Variants in NAV3 observed in about 807,000 individuals in gnomAD.
NAV3 encodes the protein pore membrane and/or filament interacting like protein 1.
Under a neutral mutation model 244.7 loss-of-function variants are expected in NAV3, and 87 were observed. The ratio of observed to expected loss-of-function variants is 0.36; its 90% CI spans 0.30 to 0.42. NAV3 has a LOEUF of 0.42. Ranked by LOEUF, NAV3 falls within the 20% of genes least tolerant of loss-of-function variation. NAV3 has a pLI of 1.00. For synonymous variants in NAV3, 1,126 were observed against 1,042.2 expected, an observed-to-expected ratio of 1.08 and a Z score of -1.55; for missense variants, 2,663 against 2,893.3, an observed-to-expected ratio of 0.92 and a Z score of 1.83.
intron 2 of NAV3, among the ~76,000 whole-genome samples, chr12:77,796,571 G>A (rs1565817259): frequency 1.3e-5 from 2 of 152,196 alleles, no homozygotes; most frequent in Non-Finnish European, 2.9e-5. Context: ...GTCCCATTTT[G>A]AAAGTTCTAC....
chr12:77,683,400 G>C (rs1394685458), intron 2 of NAV3, among the ~76,000 whole-genome samples: 1 of 151,890 alleles, frequency 6.6e-6, no homozygotes, highest in East Asian at 1.9e-4. Flanking sequence ...GTACCATGCT[G>C]TTTTGATTAC....
chr12:77,943,430 T>G (rs1045087404), intron 3 of NAV3, among the ~76,000 whole-genome samples: 1 of 152,202 alleles, frequency 6.6e-6, no homozygotes, highest in Admixed American at 6.6e-5. Context: ...TGTGGTTGAA[T>G]TTTGAATCTG....
Position 77,877,916 on chromosome 12 carries a change from A to G in NAV3, c.243+46212A>G, listed in dbSNP as rs138570338. ...TTGGATAGTATTTACCTCTAATATG[A>G]TGTGAGGAAAGACACTTTATCTCTG... On this transcript the variant is annotated intron_variant, in intron 1 of 39. Coordinates refer to ENST00000397909, the MANE Select transcript of NAV3 (RefSeq NM_001024383.2). 3.5e-3 allele frequency among the ~76,000 whole-genome samples: 526 copies of G among 152,252 alleles called. 3 individuals are homozygous for G. Among genetic ancestry groups the G allele is most frequent in the Non-Finnish European group, 5.2e-3 (357 of 68,022 alleles).
chr12:77,903,241 C>A (rs1241171577), intron 1 of NAV3, among the ~76,000 whole-genome samples: 1 of 152,184 alleles, frequency 6.6e-6, no homozygotes, highest in Admixed American at 6.5e-5. Flanking sequence ...TGACTACAAA[C>A]TATATTACAA....
intron 39 of NAV3, among the ~76,000 whole-genome samples, chr12:78,206,854 C>T (rs1488631242): frequency 4.4e-5 from 5 of 114,820 alleles, no homozygotes; most frequent in Non-Finnish European, 7.0e-5. Flanking sequence ...TTCTTTCTTA[C>T]TTTTTTTTTT....
chr12:77,994,721 C>T, intron 5 of NAV3, 82 bp from the exon 6 acceptor site: 1 of 1,054,688 alleles, frequency 9.5e-7, no homozygotes, highest in African/African-American at 1.6e-5. Flanking sequence ...TTCATTAATT[C>T]ATAGTTTTCT....
At chr12:77,729,123 T>G (rs1877013052) in intron 2 of NAV3, among the ~76,000 whole-genome samples, 3 of 152,072 alleles carry the variant, frequency 2.0e-5, no homozygotes, top group Non-Finnish European at 4.4e-5. Context: ...CAACAGTAGA[T>G]TATTAGTTGA....
At chr12:78,137,864 G>A (rs1353456181) in intron 19 of NAV3, among the ~76,000 whole-genome samples, 1 of 151,852 alleles carries the variant, frequency 6.6e-6, no homozygotes, top group Non-Finnish European at 1.5e-5. Flanking sequence ...TCATCCAATG[G>A]CAATAAAATT....
rs187813350 is a variant in NAV3 at position 77,635,808 on chromosome 12, G to C, written c.72+63542G>C. On this transcript the variant is annotated intron_variant, in intron 2 of 8. Transcript: ENST00000550042. ...AACCGCTGTGAGGTAGGAACAATTAGAATTCCTATTTTGAAGATGAGAAAA... is the reference window on the plus strand; with the variant it reads ...AACCGCTGTGAGGTAGGAACAATTACAATTCCTATTTTGAAGATGAGAAAA... Among the ~76,000 whole-genome samples, 289 of 152,164 alleles carry C rather than the reference G, an allele frequency of 1.9e-3. 4 individuals carry two copies. The highest frequency in any genetic ancestry group is 3.1e-3 in the South Asian group (15 of 4,818).
chr12:78,149,804 G>T (rs1280310094), intron 22 of NAV3, among the ~76,000 whole-genome samples: 1 of 152,008 alleles, frequency 6.6e-6, no homozygotes, highest in African/African-American at 2.4e-5. Flanking sequence ...TCAAGAGTGA[G>T]CAGGTGCAGA....
intron 25 of NAV3, among the ~76,000 whole-genome samples, chr12:78,175,708 T>C (rs1011990475): frequency 4.0e-5 from 6 of 151,898 alleles, no homozygotes; most frequent in African/African-American, 1.5e-4. Flanking sequence ...AGCAACTATA[T>C]TTATTTGTGA....
intron 12 of NAV3, among the ~76,000 whole-genome samples, chr12:78,068,609 T>TATATAATATATAATTATATATAATTAC (rs1952599174): frequency 6.8e-6 from 1 of 147,276 alleles, no homozygotes; most frequent in Admixed American, 6.8e-5. Flanking sequence ...ATATATATTA[T>TATATAATATATAATTATATATAATTAC]ATATAATATA....
intron 2 of NAV3, among the ~76,000 whole-genome samples, chr12:77,786,883 C>T (rs1870928125): frequency 6.6e-6 from 1 of 152,098 alleles, no homozygotes; most frequent in African/African-American, 2.4e-5. Context: ...TACCTCATCC[C>T]CAGTGCTGTC....
chr12:77,733,918 A>T, intron 2 of NAV3, among the ~76,000 whole-genome samples: 1 of 149,844 alleles, frequency 6.7e-6, no homozygotes, highest in Non-Finnish European at 1.5e-5. Context: ...GTGAGGGAGT[A>T]AACTCAATTG....
At chr12:78,002,678 T>A (rs1406652143) in intron 7 of NAV3, among the ~76,000 whole-genome samples, 2 of 152,158 alleles carry the variant, frequency 1.3e-5, no homozygotes, top group African/African-American at 4.8e-5. Context: ...GTGCTTTAGT[T>A]ATTATTTTAC....
At chr12:78,048,544 A>G (rs1184880419) in intron 9 of NAV3, among the ~76,000 whole-genome samples, 1 of 152,160 alleles carries the variant, frequency 6.6e-6, no homozygotes, top group African/African-American at 2.4e-5. Context: ...GTCACCAGCA[A>G]AGGCTGCAGA....
At chr12:77,738,943 C>T (rs758822322) in intron 2 of NAV3, among the ~76,000 whole-genome samples, 8 of 127,630 alleles carry the variant, frequency 6.3e-5, no homozygotes, top group Non-Finnish European at 7.8e-5. Flanking sequence ...ACCTGGGAGG[C>T]GGAGCTTGCA....
intron 12 of NAV3, among the ~76,000 whole-genome samples, chr12:78,076,246 C>T (rs1566098181): frequency 6.6e-6 from 1 of 152,200 alleles, no homozygotes; most frequent in Non-Finnish European, 1.5e-5. Flanking sequence ...ATCCCATACT[C>T]AACCTGGAAT....
chr12:77,893,664 C>T (rs1321216191), intron 1 of NAV3, among the ~76,000 whole-genome samples: 1 of 151,532 alleles, frequency 6.6e-6, no homozygotes, highest in Non-Finnish European at 1.5e-5. Context: ...GAGTTTTACT[C>T]AAAGACAAAA....
Sources: gnomAD v4.1 joint callset for allele counts (sites outside exome capture counted in the v4.1 genomes callset) on GRCh38, gnomAD v4.1.1 for gene constraint, MANE v1.5 for transcripts, NCBI Gene and HGNC (gene_info 2026-07-23, HGNC 2026-07-21) for gene names.